The following KAZN variants were observed in gnomAD, a reference collection of about 807,000 sequenced individuals.
KAZN encodes the protein kazrin.
KAZN carries 40 observed loss-of-function variants against 87.4 expected under a neutral mutation model. That is an observed-to-expected ratio of 0.46 (90% confidence interval 0.36 to 0.60). KAZN has a LOEUF of 0.60. KAZN is among the 20% of genes least tolerant of loss of function. The pLI is 0.00. For synonymous variants in KAZN, 466 were observed against 458.3 expected, an observed-to-expected ratio of 1.02 and a Z score of -0.22; for missense variants, 898 against 1,073.9, an observed-to-expected ratio of 0.84 and a Z score of 2.29.
At chr1:14,675,313 T>C (rs1035332572) in intron 1 of KAZN, among the ~76,000 whole-genome samples, 4 of 152,248 alleles carry the variant, frequency 2.6e-5, no homozygotes, top group African/African-American at 9.6e-5. Context: ...TCAGAGTGCG[T>C]CTGGGATACT....
intron 2 of KAZN, among the ~76,000 whole-genome samples, chr1:14,378,412 A>C (rs1335730312): frequency 2.0e-5 from 3 of 152,248 alleles, no homozygotes; most frequent in Non-Finnish European, 4.4e-5. Context: ...AACAACCTTC[A>C]TGAGAACCAA....
chr1:14,828,012 G>A (rs929950803), intron 1 of KAZN, among the ~76,000 whole-genome samples: 1 of 152,218 alleles, frequency 6.6e-6, no homozygotes, highest in Non-Finnish European at 1.5e-5. Flanking sequence ...GAGGTCCAAT[G>A]CTTAAGCCAG....
rs1306588223 is a variant in KAZN, at chr1:14,720,505, C to G, written c.226+121282C>G. On this transcript the variant is annotated intron_variant, in intron 1 of 14. Transcript: ENST00000376030. Reference sequence around the variant, plus strand: ...AATAAATTTAATTTAGGGCATCTACCTGTGCAGTCAGTAAATTACTTCTGC... The same window carrying G: ...AATAAATTTAATTTAGGGCATCTACGTGTGCAGTCAGTAAATTACTTCTGC... Among the ~76,000 whole-genome samples, 5 of 152,222 alleles carry G rather than the reference C, an allele frequency of 3.3e-5. No individual in the cohort carries two copies. The East Asian group carries it at 5.8e-4, about 18-fold the overall frequency.
intron 1 of KAZN, among the ~76,000 whole-genome samples, chr1:14,800,245 G>A (rs777136539): frequency 1.3e-5 from 2 of 152,164 alleles, no homozygotes; most frequent in African/African-American, 2.4e-5. Flanking sequence ...ATACATCCAC[G>A]AGAACTGAAA....
chr1:14,636,485 C>G (rs1434479715), intron 1 of KAZN, among the ~76,000 whole-genome samples: 1 of 152,180 alleles, frequency 6.6e-6, no homozygotes, highest in Non-Finnish European at 1.5e-5. Flanking sequence ...TCCTATGTCG[C>G]TTAAAACTGT....
intron 1 of KAZN, among the ~76,000 whole-genome samples, chr1:14,649,837 C>T (rs962217590): frequency 5.9e-5 from 9 of 151,974 alleles, no homozygotes; most frequent in African/African-American, 2.2e-4. Flanking sequence ...ATATTTGGTA[C>T]CTAATTATTT....
chr1:14,289,531 T>A (rs1653518893), intron 2 of KAZN, among the ~76,000 whole-genome samples: 1 of 152,204 alleles, frequency 6.6e-6, no homozygotes, highest in Non-Finnish European at 1.5e-5. Flanking sequence ...ACTTTCCATT[T>A]GCTTGGCAGA....
intron 1 of KAZN, among the ~76,000 whole-genome samples, chr1:14,764,279 CCTTA>C (rs1255104448): frequency 6.6e-6 from 1 of 151,920 alleles, no homozygotes; most frequent in Non-Finnish European, 1.5e-5. Context: ...ACAGCTGAAT[CCTTA>C]CTTCTTCAGG....
At chr1:14,436,333 A>T (rs1666381585) in intron 2 of KAZN, among the ~76,000 whole-genome samples, 1 of 151,830 alleles carries the variant, frequency 6.6e-6, no homozygotes, top group African/African-American at 2.4e-5. Flanking sequence ...GTGAATGAGG[A>T]TGATGATGAT....
chr1:14,314,559 G>A (rs527450601), intron 2 of KAZN, among the ~76,000 whole-genome samples: 35 of 152,234 alleles, frequency 2.3e-4, no homozygotes, highest in South Asian at 4.1e-4. Context: ...AGCTCCATTC[G>A]TGAGGCTTCT....
intron 1 of KAZN, among the ~76,000 whole-genome samples, chr1:14,908,508 C>T (rs1471009277): frequency 3.3e-5 from 5 of 152,064 alleles, no homozygotes; most frequent in Non-Finnish European, 5.9e-5. Context: ...CGCCACTGCA[C>T]TCCAGTCTGA....
intron 1 of KAZN, among the ~76,000 whole-genome samples, chr1:14,660,079 C>T (rs978578012): frequency 2.6e-5 from 4 of 152,152 alleles, no homozygotes; most frequent in African/African-American, 4.8e-5. Flanking sequence ...CTGCAACTAC[C>T]GGGAGATAAT....
In KAZN at chr1:14,006,603, T is replaced by C. The variant is rs146984659; in HGVS notation, c.91+112847T>C. ...CATCATTTATTGAAGAGACTATCCT[T>C]TCTCCAGTGTGTCTTCTTGGTGCCC... On this transcript the variant is annotated intron_variant, in intron 1 of 16. Transcript: ENST00000636203. Among the ~76,000 whole-genome samples the C allele has an allele frequency of 7.0e-4, 106 of 152,356 alleles. 1 individual carries two copies. The highest frequency in any genetic ancestry group is 2.7e-3 in the East Asian group (14 of 5,188).
intron 1 of KAZN, among the ~76,000 whole-genome samples, chr1:13,910,280 G>A (rs1639602633): frequency 6.6e-6 from 1 of 152,044 alleles, no homozygotes; most frequent in Admixed American, 6.6e-5. Context: ...AGGCTGAGGT[G>A]AGTGGATCAC....
intron 2 of KAZN, among the ~76,000 whole-genome samples, chr1:14,548,113 G>A (rs966984755): frequency 4.0e-5 from 6 of 151,654 alleles, no homozygotes; most frequent in African/African-American, 1.5e-4. Context: ...ATTGTATTGG[G>A]CCGCATTCAA....
intron 1 of KAZN, among the ~76,000 whole-genome samples, chr1:14,928,610 G>A (rs1226574837): frequency 6.6e-6 from 1 of 152,186 alleles, no homozygotes; most frequent in Non-Finnish European, 1.5e-5. Flanking sequence ...ATTTCAGTGG[G>A]AGGTCTGCTC....
rs35005409 is a variant in KAZN, at chr1:13,952,334, GATAATAATAATAATAATAATAATAATA to G, written c.91+58597_91+58623del. On this transcript the variant is annotated intron_variant, in intron 1 of 16. Transcript: ENST00000636203. Reference sequence around the variant, plus strand: ...CTTGGAGTCTTAGGTATAAAATGGAGATAATAATAATAATAATAATAATAATAATAATAATAATAATAATATCAATAT... The same window carrying G: ...CTTGGAGTCTTAGGTATAAAATGGAGATAATAATAATAATAATATCAATAT... 2.2e-3 allele frequency among the ~76,000 whole-genome samples: 321 copies of G among 143,078 alleles called. 2 individuals are homozygous for G. Among genetic ancestry groups the G allele is most frequent in the Admixed American group, 2.9e-3 (41 of 14,324 alleles). 93.9% of individuals were successfully genotyped at this position (143,078 alleles called of 152,430 possible). A position where few individuals can be genotyped will look rare whatever the true frequency, so the allele number is the denominator to read the frequency against.
At position 14,598,779 on chromosome 1, in the gene KAZN, T is replaced by C; in HGVS notation, c.-219T>C. ...CTCCTCTTTTTTCTCCTCCGCCTCC[T>C]CCCCCCGCCGCCTCGCCACCGCCGC... On this transcript the variant is annotated 5_prime_UTR_variant, in exon 1 of 15. Transcript: ENST00000376030. The surrounding 1 kb of genome is among the most constrained non-coding windows in gnomAD (Gnocchi z 4.2). 5 of 1,348,338 alleles carry C rather than the reference T, an allele frequency of 3.7e-6. No individual in the cohort carries two copies. The allele number at this position is 1,348,338 out of a possible 1,614,324, so 83.5% of individuals were successfully genotyped here.
At position 14,959,408 on chromosome 1, in the gene KAZN, A is replaced by C. The variant is rs372012006; in HGVS notation, c.227-1276A>C. On this transcript the variant is annotated intron_variant, in intron 1 of 14. Coordinates refer to ENST00000376030, the MANE Select transcript of KAZN (RefSeq NM_201628.3). ...GTGGCATATTGTAGAGAGAGGGACCAGTGTGGCTGCAGGTGGGAAGAGGGA... is the reference window on the plus strand; with the variant it reads ...GTGGCATATTGTAGAGAGAGGGACCCGTGTGGCTGCAGGTGGGAAGAGGGA... Among the ~76,000 whole-genome samples, 474 of 151,952 alleles carry C rather than the reference A, an allele frequency of 3.1e-3. 4 individuals are homozygous for C. The highest frequency in any genetic ancestry group is 0.011 in the African/African-American group (442 of 41,452).
Sources: allele counts gnomAD v4.1 joint callset (sites outside exome capture counted in the v4.1 genomes callset), GRCh38; gene constraint gnomAD v4.1.1; non-coding constraint Gnocchi (gnomAD v3.1); transcripts MANE v1.5; gene names NCBI Gene and HGNC (gene_info 2026-07-23, HGNC 2026-07-21).